Variants in CTNND2 observed in about 807,000 individuals in gnomAD.
CTNND2 encodes catenin delta 2.
A neutral mutation model predicts 144.4 loss-of-function variants in CTNND2; 22 were observed. The observed-to-expected ratio is 0.15, with a 90% CI of 0.11 to 0.22. The LOEUF (loss-of-function observed/expected upper bound fraction) is 0.22, where lower values mean the gene tolerates loss of function less well. Ranked by LOEUF, CTNND2 falls within the 10% of genes least tolerant of loss-of-function variation. The pLI, the probability that CTNND2 is intolerant of heterozygous loss-of-function variation, is 1.00. For synonymous variants in CTNND2, 751 were observed against 695.6 expected (o/e 1.08, Z -1.25); for missense variants, 1,353 against 1,618.8 (o/e 0.84, Z 2.82).
intron 5 of CTNND2, among the ~76,000 whole-genome samples, chr5:11,409,898 AT>A (rs746628798): frequency 3.9e-5 from 6 of 151,958 alleles, no homozygotes; most frequent in African/African-American, 1.4e-4. Flanking sequence ...ATATACCTAT[AT>A]TTTCCCTTCT....
intron 2 of CTNND2, among the ~76,000 whole-genome samples, chr5:11,692,501 G>A (rs937426438): frequency 2.6e-5 from 4 of 152,226 alleles, no homozygotes; most frequent in African/African-American, 4.8e-5. Context: ...AGGATACCAC[G>A]TCTGAGGAGA....
At chr5:11,619,989 AATGT>A (rs1328901328) in intron 2 of CTNND2, among the ~76,000 whole-genome samples, 1 of 152,244 alleles carries the variant, frequency 6.6e-6, no homozygotes, top group African/African-American at 2.4e-5. Context: ...TGTTTAAAAT[AATGT>A]ATGAAATGCA....
At chr5:11,136,877 T>A (rs1345139425) in intron 12 of CTNND2, among the ~76,000 whole-genome samples, 1 of 152,220 alleles carries the variant, frequency 6.6e-6, no homozygotes, top group African/African-American at 2.4e-5. Context: ...TACTCATCAT[T>A]CAAGTCTTTT....
At chr5:11,461,234 G>A (rs1766193720) in intron 3 of CTNND2, among the ~76,000 whole-genome samples, 1 of 151,908 alleles carries the variant, frequency 6.6e-6, no homozygotes, top group Non-Finnish European at 1.5e-5. Flanking sequence ...AACGTGCGCT[G>A]AAGGGACAGA....
At chr5:11,184,267 A>T (rs899196940) in intron 11 of CTNND2, among the ~76,000 whole-genome samples, 25 of 152,198 alleles carry the variant, frequency 1.6e-4, no homozygotes, top group African/African-American at 5.8e-4. Context: ...TTTTCTACTG[A>T]TACCTGTGAA....
chr5:11,847,228 G>A (rs1457011782), intron 1 of CTNND2, among the ~76,000 whole-genome samples: 5 of 139,462 alleles, frequency 3.6e-5, no homozygotes, highest in Admixed American at 7.6e-5. Flanking sequence ...TATAGAAATC[G>A]ATCTAAAAGT....
At chr5:11,118,491 C>A (rs1195856616) in intron 12 of CTNND2, among the ~76,000 whole-genome samples, 1 of 152,228 alleles carries the variant, frequency 6.6e-6, no homozygotes, top group Non-Finnish European at 1.5e-5. Flanking sequence ...TCGGAATCCT[C>A]TGGAGGTGTG....
At chr5:11,738,114 C>T (rs1478390490) in intron 1 of CTNND2, among the ~76,000 whole-genome samples, 1 of 152,172 alleles carries the variant, frequency 6.6e-6, no homozygotes, top group Non-Finnish European at 1.5e-5. Context: ...CTTGGTAACA[C>T]CTTCATCTAA....
At chr5:11,023,452 G>A (rs986727511) in intron 16 of CTNND2, among the ~76,000 whole-genome samples, 1 of 152,204 alleles carries the variant, frequency 6.6e-6, no homozygotes, top group Non-Finnish European at 1.5e-5. Flanking sequence ...CTTAATGAAA[G>A]CTATGTTGCG....
At chr5:11,313,945 T>G (rs1008268883) in intron 9 of CTNND2, among the ~76,000 whole-genome samples, 1 of 151,938 alleles carries the variant, frequency 6.6e-6, no homozygotes, top group Non-Finnish European at 1.5e-5. Context: ...CCAGATCTCG[T>G]GAGAACTCAC....
At chr5:11,169,417 T>A (rs968885620) in intron 11 of CTNND2, among the ~76,000 whole-genome samples, 2 of 152,214 alleles carry the variant, frequency 1.3e-5, no homozygotes, top group African/African-American at 4.8e-5. Flanking sequence ...TAATGTCATC[T>A]TTGGTAAAAA....
chr5:11,118,861 G>GT (rs1165071731), intron 12 of CTNND2, among the ~76,000 whole-genome samples: 1 of 152,198 alleles, frequency 6.6e-6, no homozygotes, highest in East Asian at 1.9e-4. Flanking sequence ...AGGCCACACA[G>GT]TAAGTGTGTC....
rs539399160 is a variant in CTNND2 at position 11,020,760 on chromosome 5, T to C, written c.2999+2009A>G. 9.3e-5 allele frequency among the ~76,000 whole-genome samples: 13 copies of C among 139,656 alleles called. No individual in the cohort carries two copies. The South Asian group carries it at 1.9e-3, about 20-fold the overall frequency. The allele number at this position is 139,656 out of a possible 152,430, so 91.6% of individuals were successfully genotyped here. A position where few individuals can be genotyped will look rare whatever the true frequency, so the allele number is the denominator to read the frequency against. ...TATATAAAAAAAGAGATAAGCTACA[T>C]GAAACAGTGAATGAGACTGACTAAG... On this transcript the variant is annotated intron_variant, in intron 17 of 21. Coordinates refer to ENST00000304623, the MANE Select transcript of CTNND2 (RefSeq NM_001332.4).
chr5:11,373,495 T>C lies in CTNND2; in HGVS notation c.1178-8605A>G, dbSNP rs150579630. Among the ~76,000 whole-genome samples, 27 of 152,258 alleles carry C rather than the reference T, an allele frequency of 1.8e-4. No homozygotes were observed. In the East Asian group the frequency reaches 4.6e-3, roughly 26 times the overall value. On this transcript the variant is annotated intron_variant, in intron 7 of 21. Transcript: ENST00000304623. ...TCCCTGCATTGCCACAATACCCACA[T>C]AGGTAAGGATAGCTCAGGGCTTCTC...
intron 16 of CTNND2, among the ~76,000 whole-genome samples, chr5:11,069,438 G>C (rs1747986917): frequency 6.6e-6 from 1 of 152,194 alleles, no homozygotes; most frequent in Admixed American, 6.6e-5. Flanking sequence ...GCTGCCATGA[G>C]CCATCTAAGT....
At chr5:11,481,679 CAGAGAGAGAG>C (rs574200228) in intron 3 of CTNND2, among the ~76,000 whole-genome samples, 7 of 150,812 alleles carry the variant, frequency 4.6e-5, no homozygotes, top group African/African-American at 1.7e-4. Context: ...AAGAGAGAGA[CAGAGAGAGAG>C]AGAGAACCTA....
intron 1 of CTNND2, among the ~76,000 whole-genome samples, chr5:11,739,564 T>C (rs1561749739): frequency 6.6e-6 from 1 of 152,160 alleles, no homozygotes; most frequent in East Asian, 1.9e-4. Flanking sequence ...TTGAGAGCTA[T>C]TTATGACAAA....
intron 2 of CTNND2, among the ~76,000 whole-genome samples, chr5:11,690,762 A>G (rs1371790502): frequency 6.7e-6 from 1 of 150,052 alleles, no homozygotes; most frequent in Admixed American, 6.6e-5. Context: ...AAAAAAAAAA[A>G]AAAAAAAAAA....
rs1016646793 is a variant in CTNND2, at chr5:11,668,748, C to T, written c.174+63388G>A. Among the ~76,000 whole-genome samples the T allele has an allele frequency of 2.6e-5, 4 of 152,042 alleles. No individual in the cohort carries two copies. In the East Asian group the frequency reaches 7.7e-4, roughly 29 times the overall value. On this transcript the variant is annotated intron_variant, in intron 2 of 21. Transcript: ENST00000304623. ...GACTTCCTCATATCCTAACTGGATA[C>T]CCTGTATTTATTTGTGTTGCCTGAC... is the stretch of plus-strand genomic sequence containing the variant.
Sources: allele counts gnomAD v4.1 joint callset (sites outside exome capture counted in the v4.1 genomes callset), GRCh38; gene constraint gnomAD v4.1.1; transcripts MANE v1.5; gene names NCBI Gene and HGNC (gene_info 2026-07-23, HGNC 2026-07-21).